SV2B: variants seen among roughly 807,000 people sequenced by gnomAD.
SV2B encodes the protein solute carrier family 22 member B2.
SV2B carries 41 observed loss-of-function variants against 73.9 expected under a neutral mutation model. That is an observed-to-expected ratio of 0.56 (90% CI 0.43 to 0.72). The LOEUF (loss-of-function observed/expected upper bound fraction) is 0.72. Ranked by LOEUF, SV2B falls within the 30% of genes least tolerant of loss-of-function variation. The pLI is 0.00. For synonymous variants in SV2B, 314 were observed against 314.2 expected (o/e 1.00, Z 0.01); for missense variants, 764 against 857.8 (o/e 0.89, Z 1.37).
At chr15:91,257,148 C>G (rs1336676420) in intron 4 of SV2B, among the ~76,000 whole-genome samples, 1 of 152,126 alleles carries the variant, frequency 6.6e-6, no homozygotes, top group Non-Finnish European at 1.5e-5. Flanking sequence ...CTGATCTTTG[C>G]TGATATTTAT....
Position 91,268,650 on chromosome 15 carries a change from G to T in SV2B, c.1373+45G>T. The T allele has an allele frequency of 3.8e-6, 6 of 1,588,124 alleles. No homozygotes were observed. Among genetic ancestry groups the T allele is most frequent in the Non-Finnish European group, 5.2e-6 (6 of 1,161,636 alleles). Reference sequence around the variant, plus strand: ...CTTCCCTCACATCAGGGTGACAGTCGTGGGGACTGTTATTGGGAGGGAGCC... The same window carrying T: ...CTTCCCTCACATCAGGGTGACAGTCTTGGGGACTGTTATTGGGAGGGAGCC... On this transcript the variant is annotated intron_variant, in intron 9 of 12. Coordinates refer to ENST00000394232, the MANE Select transcript of SV2B (RefSeq NM_001323032.3). This position sits in a 1 kb window ranked among gnomAD's most constrained non-coding sequence, Gnocchi z 4.4.
intron 1 of SV2B, among the ~76,000 whole-genome samples, chr15:91,213,606 G>A (rs1272870661): frequency 1.3e-5 from 2 of 151,962 alleles, no homozygotes; most frequent in Non-Finnish European, 2.9e-5. Context: ...TAATTCATCT[G>A]TAAAAATTTT....
chr15:91,210,092 C>T (rs186804205), intron 1 of SV2B, among the ~76,000 whole-genome samples: 5 of 151,866 alleles, frequency 3.3e-5, no homozygotes, highest in Admixed American at 2.6e-4. Context: ...CAATGACACC[C>T]GGGGGCTGAG....
In SV2B at chr15:91,100,746, G is replaced by T. The variant is rs1016226303; in HGVS notation, c.-392+383G>T. The stretch of plus-strand genomic sequence containing the variant: ...AGTTACATTCTAGTAGATAGATTTT[G>T]TTATTGTTGTTGGCTTGTTCTTAAA... On this transcript the variant is annotated intron_variant, in intron 1 of 12. Coordinates refer to ENST00000394232, the MANE Select transcript of SV2B (RefSeq NM_001323032.3). The surrounding 1 kb of genome is among the most constrained non-coding windows in gnomAD (Gnocchi z 6.4). 2.0e-5 allele frequency among the ~76,000 whole-genome samples: 3 copies of T among 152,184 alleles called. No homozygotes were observed. Among genetic ancestry groups the T allele is most frequent in the African/African-American group, 7.2e-5 (3 of 41,456 alleles).
intron 1 of SV2B, among the ~76,000 whole-genome samples, chr15:91,191,408 G>T (rs953356593): frequency 2.6e-5 from 4 of 152,028 alleles, no homozygotes; most frequent in African/African-American, 7.2e-5. Flanking sequence ...ACATCATCAA[G>T]TTATTAATCC....
intron 1 of SV2B, among the ~76,000 whole-genome samples, chr15:91,173,723 C>G (rs2044205954): frequency 6.6e-6 from 1 of 152,134 alleles, no homozygotes; most frequent in Admixed American, 6.6e-5. Flanking sequence ...ACAGAAAGCC[C>G]CACAGAAGAA....
chr15:91,124,955 A>C lies in SV2B; in HGVS notation c.-392+24592A>C, dbSNP rs1261846379. On this transcript the variant is annotated intron_variant, in intron 1 of 12. Transcript: ENST00000394232. This position sits in a 1 kb window ranked among gnomAD's most constrained non-coding sequence, Gnocchi z 4.6. The stretch of plus-strand genomic sequence containing the variant: ...AGGTGTGAGCCACTGCGCCCAGCCC[A>C]GAAATTTATTTCTGGTGGTTTTGAA... Among the ~76,000 whole-genome samples, 1 of 152,184 alleles carries C rather than the reference A, an allele frequency of 6.6e-6. No individual in the cohort carries two copies.
rs552088011 is a variant in SV2B, at chr15:91,279,012, T to C, written c.1374-2716T>C. 8.5e-5 allele frequency among the ~76,000 whole-genome samples: 13 copies of C among 152,336 alleles called. No homozygotes were observed. In the South Asian group the frequency reaches 2.7e-3, roughly 32 times the overall value. On this transcript the variant is annotated intron_variant, in intron 9 of 12. Coordinates refer to ENST00000394232, the MANE Select transcript of SV2B (RefSeq NM_001323032.3). ...AATTCTCTGCTTTCAAAAAAGGCAA[T>C]TGAAGAGTATATATGACATGCATCT...
At chr15:91,259,379 C>T (rs1011787865) in intron 5 of SV2B, among the ~76,000 whole-genome samples, 3 of 152,122 alleles carry the variant, frequency 2.0e-5, no homozygotes, top group Non-Finnish European at 4.4e-5. Context: ...TCTTCCAGCC[C>T]CAATCTGCAG....
intron 10 of SV2B, among the ~76,000 whole-genome samples, chr15:91,282,498 A>G (rs551779380): frequency 6.6e-6 from 1 of 152,316 alleles, no homozygotes; most frequent in African/African-American, 2.4e-5. Context: ...ACTGAGCTTC[A>G]TTAGGGGGCT....
intron 6 of SV2B, among the ~76,000 whole-genome samples, chr15:91,262,818 C>T (rs931866692): frequency 3.3e-5 from 5 of 152,324 alleles, no homozygotes; most frequent in African/African-American, 1.2e-4. Flanking sequence ...CTGTGATGGC[C>T]TGTAGTGCTC....
intron 1 of SV2B, among the ~76,000 whole-genome samples, chr15:91,167,924 C>T (rs1270524106): frequency 6.6e-6 from 1 of 152,106 alleles, no homozygotes; most frequent in Non-Finnish European, 1.5e-5. Context: ...GCTGACCTAC[C>T]TCCTGTAGGC....
At position 91,240,892 on chromosome 15, in the gene SV2B, A is replaced by G. The variant is rs2046984793; in HGVS notation, c.452-10927A>G. Among the ~76,000 whole-genome samples the G allele has an allele frequency of 6.6e-6, 1 of 151,878 alleles. No individual in the cohort carries two copies. Among genetic ancestry groups the G allele is most frequent in the African/African-American group, 2.4e-5 (1 of 41,292 alleles). ...CCGTCACAGCCTCCACTCTTGTACC[A>G]TTGCTCTTTCTTGCTCCCCCTGGAC... On this transcript the variant is annotated intron_variant, in intron 2 of 12. Transcript: ENST00000394232. The surrounding 1 kb of genome is among the most constrained non-coding windows in gnomAD (Gnocchi z 4.6).
chr15:91,145,311 G>A (rs74381521), intron 1 of SV2B, among the ~76,000 whole-genome samples: 3,725 of 152,248 alleles, frequency 0.024, 74 homozygotes, highest in Middle Eastern at 0.062. Context: ...TCCTGAAAAG[G>A]ATATGACCCC....
At chr15:91,287,919 G>A (rs771005585) in intron 11 of SV2B, among the ~76,000 whole-genome samples, 6 of 152,222 alleles carry the variant, frequency 3.9e-5, no homozygotes, top group African/African-American at 1.2e-4. Context: ...GGCTGGAGCC[G>A]TGGAGCAAGA....
intron 1 of SV2B, among the ~76,000 whole-genome samples, chr15:91,159,226 C>T (rs2043622924): frequency 6.6e-6 from 1 of 152,130 alleles, no homozygotes; most frequent in Non-Finnish European, 1.5e-5. Context: ...AGCTTGGCTT[C>T]CTTTCTGGGC....
rs2046973980 is a variant in SV2B, at chr15:91,240,679, C to G, written c.452-11140C>G. Among the ~76,000 whole-genome samples the G allele has an allele frequency of 6.6e-6, 1 of 152,180 alleles. No individual in the cohort carries two copies. The highest frequency in any genetic ancestry group is 1.5e-5 in the Non-Finnish European group (1 of 68,018). On this transcript the variant is annotated intron_variant, in intron 2 of 12. Coordinates refer to ENST00000394232, the MANE Select transcript of SV2B (RefSeq NM_001323032.3). This position sits in a 1 kb window ranked among gnomAD's most constrained non-coding sequence, Gnocchi z 4.6. ...ACCAGCCTTGCCACCAAGATCAGGA[C>G]TAATTTCATTATGCTCTTTATCCCT...
At position 91,122,147 on chromosome 15, in the gene SV2B, T is replaced by G. The variant is rs1275097841; in HGVS notation, c.-392+21784T>G. On this transcript the variant is annotated intron_variant, in intron 1 of 12. Coordinates refer to ENST00000394232, the MANE Select transcript of SV2B (RefSeq NM_001323032.3). This position sits in a 1 kb window ranked among gnomAD's most constrained non-coding sequence, Gnocchi z 4.3. Reference sequence around the variant, plus strand: ...CGCCAAAGACTGAACTCCCAATATGTGCTAAACCATCTCCTCTTTGGACTC... The same window carrying G: ...CGCCAAAGACTGAACTCCCAATATGGGCTAAACCATCTCCTCTTTGGACTC... Among the ~76,000 whole-genome samples the G allele has an allele frequency of 6.6e-6, 1 of 152,182 alleles. No individual in the cohort carries two copies.
intron 1 of SV2B, among the ~76,000 whole-genome samples, chr15:91,169,192 CTCCAGGG>C (rs1390264634): frequency 1.3e-5 from 2 of 152,158 alleles, no homozygotes; most frequent in Non-Finnish European, 2.9e-5. Context: ...GGTTACTACG[CTCCAGGG>C]ACCATGCCGA....
Sources: gnomAD v4.1 joint callset for allele counts (sites outside exome capture counted in the v4.1 genomes callset) on GRCh38, gnomAD v4.1.1 for gene constraint, Gnocchi (gnomAD v3.1) non-coding constraint, MANE v1.5 for transcripts, NCBI Gene and HGNC (gene_info 2026-07-23, HGNC 2026-07-21) for gene names.